Variants in CACNA2D3 observed in about 807,000 individuals in gnomAD.
CACNA2D3 encodes voltage-dependent calcium channel subunit alpha-2/delta-3.
A neutral mutation model predicts 160.6 loss-of-function variants in CACNA2D3; 60 were observed. The observed-to-expected ratio is 0.37, with a 90% CI of 0.30 to 0.46. The LOEUF is 0.46. CACNA2D3 is among the 20% of genes least tolerant of loss of function. The pLI is 1.00. For synonymous variants in CACNA2D3, 558 were observed against 492.9 expected, an observed-to-expected ratio of 1.13 and a Z score of -1.75; for missense variants, 1,205 against 1,365.0, an observed-to-expected ratio of 0.88 and a Z score of 1.85.
intron 13 of CACNA2D3, among the ~76,000 whole-genome samples, chr3:54,814,539 A>C (rs1237678528): frequency 6.6e-6 from 1 of 152,228 alleles, no homozygotes; most frequent in African/African-American, 2.4e-5. Flanking sequence ...AATATGTGCT[A>C]TTCTACCCTG....
intron 6 of CACNA2D3, 48 bp downstream of exon 6, chr3:54,562,979 A>G (rs746772095): frequency 1.3e-6 from 2 of 1,544,716 alleles, no homozygotes; most frequent in Non-Finnish European, 8.9e-7. Flanking sequence ...ATGATAACTG[A>G]TAATGTGGTA....
chr3:54,596,297 G>T (rs917233167), intron 9 of CACNA2D3, among the ~76,000 whole-genome samples: 1 of 152,110 alleles, frequency 6.6e-6, no homozygotes, highest in Admixed American at 6.5e-5. Flanking sequence ...TTGGTGCAGA[G>T]TTCCATTCCG....
chr3:54,245,175 A>G (rs1702047407), intron 2 of CACNA2D3, among the ~76,000 whole-genome samples: 1 of 152,198 alleles, frequency 6.6e-6, no homozygotes, highest in South Asian at 2.1e-4. Context: ...ATAGCCTACA[A>G]GTATTAATAG....
intron 9 of CACNA2D3, among the ~76,000 whole-genome samples, chr3:54,588,834 G>T (rs577125636): frequency 6.6e-5 from 10 of 151,884 alleles, no homozygotes; most frequent in Non-Finnish European, 1.5e-4. Context: ...GTTCATGGAT[G>T]AGAAGTCTCC....
chr3:54,467,185 G>T (rs1234873251), intron 4 of CACNA2D3, among the ~76,000 whole-genome samples: 1 of 152,176 alleles, frequency 6.6e-6, no homozygotes, highest in Non-Finnish European at 1.5e-5. Flanking sequence ...TAAGTTCAAA[G>T]CAAAGCATCA....
intron 5 of CACNA2D3, among the ~76,000 whole-genome samples, chr3:54,505,429 T>A (rs1438199550): frequency 1.3e-5 from 2 of 152,100 alleles, no homozygotes; most frequent in Non-Finnish European, 2.9e-5. Context: ...TCTAAACAAA[T>A]CCTAGAGGGC....
intron 2 of CACNA2D3, among the ~76,000 whole-genome samples, chr3:54,314,089 A>G (rs1235660747): frequency 1.3e-5 from 2 of 152,058 alleles, no homozygotes; most frequent in East Asian, 1.9e-4. Context: ...CCAAAAGTCC[A>G]TTGTGTCATT....
At chr3:54,245,800 C>T (rs1262525807) in intron 2 of CACNA2D3, among the ~76,000 whole-genome samples, 12 of 152,172 alleles carry the variant, frequency 7.9e-5, no homozygotes, top group Admixed American at 7.9e-4. Flanking sequence ...GTGCCCCCAC[C>T]CCTTGTTTCA....
In CACNA2D3 at chr3:54,581,776, T is replaced by C. The variant is rs371778354; in HGVS notation, c.889-27T>C. On this transcript the variant is annotated intron_variant, in intron 8 of 37. Transcript: ENST00000474759. ...TACCCTTCAATTCCTTAATTAAGTG[T>C]TCCTTCTTGACTTTTTTCCTTTGCA... The C allele has an allele frequency of 1.6e-4, 259 of 1,582,154 alleles. 1 individual carries two copies. In the South Asian group the frequency reaches 2.0e-3, roughly 12 times the overall value.
At chr3:54,308,074 C>T (rs947644053) in intron 2 of CACNA2D3, among the ~76,000 whole-genome samples, 1 of 152,166 alleles carries the variant, frequency 6.6e-6, no homozygotes, top group African/African-American at 2.4e-5. Context: ...GGCTTGATTG[C>T]ACCAGCTCTC....
In CACNA2D3 at chr3:54,852,721, T is replaced by C. The variant is rs142122560; in HGVS notation, c.1626+6254T>C. Reference sequence around the variant, plus strand: ...ATGGATTGATACATGGACATGCTAATCAGTGTAAATGTTCTCACACTTTAG... The same window carrying C: ...ATGGATTGATACATGGACATGCTAACCAGTGTAAATGTTCTCACACTTTAG... On this transcript the variant is annotated intron_variant, in intron 17 of 37. Transcript: ENST00000474759. Among the ~76,000 whole-genome samples, 3 of 152,338 alleles carry C rather than the reference T, an allele frequency of 2.0e-5. No individual in the cohort carries two copies. The East Asian group carries it at 5.8e-4, about 29-fold the overall frequency.
At chr3:54,409,753 C>T (rs1318669730) in intron 4 of CACNA2D3, among the ~76,000 whole-genome samples, 1 of 152,130 alleles carries the variant, frequency 6.6e-6, no homozygotes, top group Non-Finnish European at 1.5e-5. Context: ...CTTCCTTAAG[C>T]CAAAGCCTAA....
intron 17 of CACNA2D3, among the ~76,000 whole-genome samples, chr3:54,861,028 A>T (rs1699280160): frequency 6.6e-6 from 1 of 152,188 alleles, no homozygotes; most frequent in Non-Finnish European, 1.5e-5. Flanking sequence ...ATTCATGGGA[A>T]CCTGTTCTTT....
At chr3:55,073,027 T>TATCG (rs1239455257) in intron 35 of CACNA2D3, among the ~76,000 whole-genome samples, 1 of 152,234 alleles carries the variant, frequency 6.6e-6, no homozygotes, top group Admixed American at 6.5e-5. Context: ...AGTTTCAGTC[T>TATCG]ATCGTTGAGG....
At chr3:54,331,340 A>T (rs1307782285) in intron 3 of CACNA2D3, among the ~76,000 whole-genome samples, 1 of 152,186 alleles carries the variant, frequency 6.6e-6, no homozygotes, top group Non-Finnish European at 1.5e-5. Context: ...GCAGCTCCGT[A>T]GTCGTTTATT....
chr3:54,300,156 A>G (rs1174254699), intron 2 of CACNA2D3, among the ~76,000 whole-genome samples: 2 of 152,208 alleles, frequency 1.3e-5, no homozygotes, highest in Non-Finnish European at 2.9e-5. Flanking sequence ...TCTATTAGAT[A>G]TTTGTTTAAC....
chr3:54,519,039 G>GGCA lies in CACNA2D3; in HGVS notation c.544+15385_544+15386insGCA, dbSNP rs1350416296. Among the ~76,000 whole-genome samples the GGCA allele has an allele frequency of 3.1e-4, 47 of 152,376 alleles. 2 individuals carry two copies. The East Asian group carries it at 6.2e-3, about 20-fold the overall frequency. On this transcript the variant is annotated intron_variant, in intron 5 of 37. Coordinates refer to ENST00000474759, the MANE Select transcript of CACNA2D3 (RefSeq NM_018398.3). The stretch of plus-strand genomic sequence containing the variant: ...GTCCGAGTGCCACCTGCACACGGAA[G>GGCA]TCATGGTGACGAACATGCTCTGTGC...
intron 5 of CACNA2D3, among the ~76,000 whole-genome samples, chr3:54,525,149 A>G (rs1701705829): frequency 6.6e-6 from 1 of 152,106 alleles, no homozygotes; most frequent in Non-Finnish European, 1.5e-5. Context: ...TCATTATATT[A>G]ACCTTATTTA....
chr3:54,264,148 G>A (rs996808243), intron 2 of CACNA2D3, among the ~76,000 whole-genome samples: 9 of 152,096 alleles, frequency 5.9e-5, no homozygotes, highest in African/African-American at 1.9e-4. Context: ...AACATAATCG[G>A]CTCTGGTGCC....
Sources: gnomAD v4.1 joint callset for allele counts (sites outside exome capture counted in the v4.1 genomes callset) on GRCh38, gnomAD v4.1.1 for gene constraint, MANE v1.5 for transcripts, NCBI Gene and HGNC (gene_info 2026-07-23, HGNC 2026-07-21) for gene names.